MAP3K1: variants seen among roughly 807,000 people sequenced by gnomAD.
MAP3K1 encodes the protein MAP/ERK kinase kinase 1.
A neutral mutation model predicts 144.2 loss-of-function variants in MAP3K1; 36 were observed. The ratio of observed to expected loss-of-function variants is 0.25; its 90% confidence interval spans 0.19 to 0.33. MAP3K1 has a LOEUF of 0.33. Among genes scored for constraint, MAP3K1 ranks in the 10% least tolerant of loss-of-function variants. The pLI, the probability that MAP3K1 is intolerant of heterozygous loss-of-function variation, is 1.00. For missense variants in MAP3K1, 1,650 were observed against 1,881.9 expected (o/e 0.88, Z 2.28); for synonymous variants, 718 against 688.7 (o/e 1.04, Z -0.67).
At chr5:56,819,854 C>T (rs1746101077) in intron 1 of MAP3K1, among the ~76,000 whole-genome samples, 1 of 152,176 alleles carries the variant, frequency 6.6e-6, no homozygotes, top group Non-Finnish European at 1.5e-5. Flanking sequence ...GCAACTTAAA[C>T]ATGTAAATGG....
chr5:56,891,168 C>CAT (rs1748541733), intron 19 of MAP3K1, among the ~76,000 whole-genome samples: 1 of 145,970 alleles, frequency 6.9e-6, no homozygotes, highest in African/African-American at 2.6e-5. Context: ...CCCACACACA[C>CAT]ACACACAAAT....
At chr5:56,848,055 G>A (rs1747051231) in intron 1 of MAP3K1, among the ~76,000 whole-genome samples, 1 of 151,840 alleles carries the variant, frequency 6.6e-6, no homozygotes, top group Admixed American at 6.6e-5. Flanking sequence ...TCTCTAAAGG[G>A]AGATTTGGGC....
At chr5:56,845,460 G>A (rs1323267849) in intron 1 of MAP3K1, among the ~76,000 whole-genome samples, 1 of 152,072 alleles carries the variant, frequency 6.6e-6, no homozygotes, top group Non-Finnish European at 1.5e-5. Flanking sequence ...AGGATGCATG[G>A]CCTTGCTGAG....
intron 19 of MAP3K1, among the ~76,000 whole-genome samples, chr5:56,892,896 TCA>T (rs1748588494): frequency 6.6e-6 from 1 of 151,804 alleles, no homozygotes; most frequent in Admixed American, 6.6e-5. Flanking sequence ...AAAGAGTGTA[TCA>T]CAATTTAAAA....
chr5:56,815,762 C>T lies in MAP3K1; in HGVS notation c.189C>T (p.Arg63=). ...ERADWRRRQL[R]KVRSVELDQL... is the part of the protein sequence containing the mutation. Reference sequence around the variant, plus strand: ...CGGACTGGCGGCGGCGGCAGCTGCGCAAAGTGCGGAGTGTGGAGCTGGACC... The same window carrying T: ...CGGACTGGCGGCGGCGGCAGCTGCGTAAAGTGCGGAGTGTGGAGCTGGACC... Residue 63 remains arginine (R), a synonymous_variant, in exon 1 of 20, where the codon CGC becomes CGT. Transcript: ENST00000399503. 1 of 1,382,574 alleles carries T rather than the reference C, an allele frequency of 7.2e-7. No homozygotes were observed. The highest frequency in any genetic ancestry group is 9.4e-7 in the Non-Finnish European group (1 of 1,064,122). The allele number at this position is 1,382,574 out of a possible 1,614,324, so 85.6% of individuals were successfully genotyped here.
rs1297551491 is a variant in MAP3K1 at position 56,895,221 on chromosome 5, T to C, written c.*1541T>C. The C allele has an allele frequency of 8.6e-6, 2 of 232,164 alleles. No homozygotes were observed. The highest frequency in any genetic ancestry group is 1.7e-5 in the Non-Finnish European group (2 of 117,464). 14.4% of individuals were successfully genotyped at this position (232,164 alleles called of 1,614,324 possible). A position where few individuals can be genotyped will look rare whatever the true frequency, so the allele number is the denominator to read the frequency against. ...TGCTTACAATTTTTAAAAGGCAGTTTGTTTTTTATGTGAATATGTTTCTTA... is the reference window on the plus strand; with the variant it reads ...TGCTTACAATTTTTAAAAGGCAGTTCGTTTTTTATGTGAATATGTTTCTTA... On this transcript the variant is annotated 3_prime_UTR_variant, in exon 20 of 20. Coordinates refer to ENST00000399503, the MANE Select transcript of MAP3K1 (RefSeq NM_005921.2).
At chr5:56,848,659 G>A (rs567011759) in intron 1 of MAP3K1, among the ~76,000 whole-genome samples, 1 of 152,090 alleles carries the variant, frequency 6.6e-6, no homozygotes, top group African/African-American at 2.4e-5. Context: ...TCTATACTGT[G>A]TTCTGGTTTT....
chr5:56,872,524 A>G, intron 7 of MAP3K1, 117 bp from the exon 8 acceptor site: 2 of 696,102 alleles, frequency 2.9e-6, no homozygotes, highest in South Asian at 3.5e-5. Context: ...ATAAACATTT[A>G]ATTAGATTAT....
chr5:56,861,067 C>A (rs1312955766), intron 3 of MAP3K1, among the ~76,000 whole-genome samples: 1 of 152,076 alleles, frequency 6.6e-6, no homozygotes, highest in Non-Finnish European at 1.5e-5. Flanking sequence ...TTTGGAAGAT[C>A]TGCGTAACTT....
intron 1 of MAP3K1, among the ~76,000 whole-genome samples, chr5:56,825,377 T>G (rs543830859): frequency 6.6e-6 from 1 of 152,190 alleles, no homozygotes; most frequent in Non-Finnish European, 1.5e-5. Flanking sequence ...AGCTAGTCTT[T>G]AACCAGGAAG....
chr5:56,879,975 A>G (rs766996711), intron 11 of MAP3K1, among the ~76,000 whole-genome samples: 11 of 152,132 alleles, frequency 7.2e-5, no homozygotes, highest in Non-Finnish European at 1.3e-4. Context: ...TTAGGTACCT[A>G]CCTTTAACGA....
chr5:56,872,099 A>G (rs1747871033), intron 7 of MAP3K1, 68 bp downstream of exon 7: 2 of 1,593,478 alleles, frequency 1.3e-6, no homozygotes, highest in African/African-American at 1.3e-5. Flanking sequence ...ATGTTATTTA[A>G]GAGTGTAACA....
chr5:56,836,294 A>G (rs1045287253), intron 1 of MAP3K1, among the ~76,000 whole-genome samples: 4 of 143,110 alleles, frequency 2.8e-5, no homozygotes, highest in Non-Finnish European at 6.1e-5. Flanking sequence ...CTCTCTCTCC[A>G]TATTTCAACT....
In MAP3K1 at chr5:56,815,927, C is replaced by T. The variant is rs1392646304; in HGVS notation, c.354C>T (p.Ser118=). The T allele has an allele frequency of 1.4e-5, 18 of 1,261,032 alleles. No individual in the cohort carries two copies. In the East Asian group the frequency reaches 3.3e-4, roughly 23 times the overall value. The allele number at this position is 1,261,032 out of a possible 1,614,324, so 78.1% of individuals were successfully genotyped here. Residue 118 remains serine (S), a synonymous_variant, in exon 1 of 20, where the codon AGC becomes AGT. Coordinates refer to ENST00000399503, the MANE Select transcript of MAP3K1 (RefSeq NM_005921.2). ...TGCCGCCGCCCCACGGAGCCGCGAG[C>T]CGCGGCGGCGCCCACCTTACCGAGT... The part of the protein sequence containing the change: ...VAVPPPHGAA[S]RGGAHLTESV...
intron 1 of MAP3K1, among the ~76,000 whole-genome samples, chr5:56,823,900 T>G (rs751188319): frequency 9.9e-5 from 15 of 152,220 alleles, no homozygotes; most frequent in Admixed American, 2.6e-4. Context: ...TGTATATATA[T>G]GCATTTATAT....
chr5:56,871,026 C>T (rs769302891), intron 6 of MAP3K1, among the ~76,000 whole-genome samples: 29 of 152,050 alleles, frequency 1.9e-4, no homozygotes, highest in Non-Finnish European at 3.7e-4. Flanking sequence ...TTCCAATTGC[C>T]TTTTTATTTC....
At chr5:56,856,083 T>C (rs1005568198) in intron 1 of MAP3K1, among the ~76,000 whole-genome samples, 2 of 152,228 alleles carry the variant, frequency 1.3e-5, no homozygotes, top group African/African-American at 2.4e-5. Flanking sequence ...TGCTTTGTTA[T>C]GAAGTCACTG....
At chr5:56,885,608 C>T (rs1041353771) in intron 16 of MAP3K1, among the ~76,000 whole-genome samples, 2 of 152,160 alleles carry the variant, frequency 1.3e-5, no homozygotes, top group East Asian at 3.8e-4. Flanking sequence ...TTACTTTAGT[C>T]ATTAATAAAG....
chr5:56,835,992 G>A (rs1746642535), intron 1 of MAP3K1, among the ~76,000 whole-genome samples: 2 of 152,152 alleles, frequency 1.3e-5, no homozygotes, highest in Admixed American at 1.3e-4. Flanking sequence ...ATTTTGTAAA[G>A]AATTGGCTGT....
Sources: gnomAD v4.1 joint callset for allele counts (sites outside exome capture counted in the v4.1 genomes callset) on GRCh38, gnomAD v4.1.1 for gene constraint, MANE v1.5 for transcripts, NCBI Gene and HGNC (gene_info 2026-07-23, HGNC 2026-07-21) for gene names.